GRIK2: variants seen among roughly 807,000 people sequenced by gnomAD.
GRIK2 encodes the protein glutamate ionotropic receptor kainate type subunit 2.
In GRIK2, 32 loss-of-function variants were observed where a neutral mutation model predicts 100.3. The ratio of observed to expected loss-of-function variants is 0.32; its 90% CI spans 0.24 to 0.43. The LOEUF (loss-of-function observed/expected upper bound fraction) is 0.43. GRIK2 is among the 20% of genes least tolerant of loss of function. The pLI, the probability that GRIK2 is intolerant of heterozygous loss-of-function variation, is 1.00. For synonymous variants in GRIK2, 417 were observed against 389.4 expected, an observed-to-expected ratio of 1.07 and a Z score of -0.83; for missense variants, 843 against 1,114.9, an observed-to-expected ratio of 0.76 and a Z score of 3.47.
intron 7 of GRIK2, among the ~76,000 whole-genome samples, chr6:101,786,596 T>C (rs1235066482): frequency 6.6e-6 from 1 of 152,148 alleles, no homozygotes; most frequent in Admixed American, 6.5e-5. Context: ...TTACATTTAT[T>C]GTTTTATGCA....
chr6:102,040,746 T>TAAGTA (rs1293835623), intron 15 of GRIK2, among the ~76,000 whole-genome samples: 1 of 151,590 alleles, frequency 6.6e-6, no homozygotes, highest in African/African-American at 2.4e-5. Flanking sequence ...TATGATATAA[T>TAAGTA]AAGTACTGAA....
At chr6:101,978,681 GA>G (rs1260603358) in intron 14 of GRIK2, among the ~76,000 whole-genome samples, 1 of 151,864 alleles carries the variant, frequency 6.6e-6, no homozygotes, top group Non-Finnish European at 1.5e-5. Flanking sequence ...GAAATATTAT[GA>G]AAAAGTAGTT....
At chr6:101,417,206 G>T (rs374551147) in intron 2 of GRIK2, among the ~76,000 whole-genome samples, 89 of 152,240 alleles carry the variant, frequency 5.8e-4, no homozygotes, top group African/African-American at 2.1e-3. Flanking sequence ...CATGAGAATT[G>T]CATGGGAAAA....
chr6:101,781,134 T>A (rs1021232155), intron 7 of GRIK2, among the ~76,000 whole-genome samples: 4 of 152,228 alleles, frequency 2.6e-5, no homozygotes, highest in Non-Finnish European at 5.9e-5. Flanking sequence ...CAGTTATCTT[T>A]TTCTAGGCAT....
chr6:101,821,750 G>A (rs1162661723), intron 10 of GRIK2, among the ~76,000 whole-genome samples: 1 of 152,010 alleles, frequency 6.6e-6, no homozygotes. Context: ...ATTTATGTAA[G>A]CTTATTTTTG....
intron 7 of GRIK2, among the ~76,000 whole-genome samples, chr6:101,700,653 G>C (rs1772827784): frequency 6.6e-6 from 1 of 152,096 alleles, no homozygotes; most frequent in South Asian, 2.1e-4. Context: ...TTAGCATGTT[G>C]CTCAAGGACA....
At chr6:101,722,008 T>A (rs1774519279) in intron 7 of GRIK2, among the ~76,000 whole-genome samples, 1 of 152,030 alleles carries the variant, frequency 6.6e-6, no homozygotes, top group African/African-American at 2.4e-5. Flanking sequence ...TTAATCCATT[T>A]GTGCTTTAAT....
In GRIK2 at chr6:101,676,731, A is replaced by G; in HGVS notation, c.650A>G (p.Glu217Gly). 1 of 1,609,672 alleles carries G rather than the reference A, an allele frequency of 6.2e-7. No individual in the cohort carries two copies. Among genetic ancestry groups the G allele is most frequent in the African/African-American group, 1.3e-5 (1 of 74,886 alleles). ...AAGGATGCAAAACCCTTACTAAAAG[A>G]AATGAAAAGAGGCAAGGAGTTTCAT... ...DTKDAKPLLK[E>G]MKRGKEFHVI... The change falls in exon 5 of 17, where the codon GAA becomes GGA. Residue 217 changes from glutamate (E) to glycine (G), a missense_variant. Transcript: ENST00000369134.
At chr6:101,708,732 C>A (rs1056605893) in intron 7 of GRIK2, among the ~76,000 whole-genome samples, 1 of 151,688 alleles carries the variant, frequency 6.6e-6, no homozygotes, top group Non-Finnish European at 1.5e-5. Context: ...ATCAAAATTT[C>A]TACATATTTT....
At chr6:101,953,104 AT>A (rs939677353) in intron 14 of GRIK2, among the ~76,000 whole-genome samples, 25 of 152,156 alleles carry the variant, frequency 1.6e-4, no homozygotes, top group African/African-American at 6.0e-4. Flanking sequence ...TCAAAATTTT[AT>A]TCTTCTTTTT....
At chr6:101,843,612 G>A (rs575133234) in intron 10 of GRIK2, among the ~76,000 whole-genome samples, 2 of 152,070 alleles carry the variant, frequency 1.3e-5, no homozygotes, top group South Asian at 4.1e-4. Context: ...CCTTTGAAAC[G>A]TTGGGCCCTG....
chr6:101,756,109 A>G (rs757253384), intron 7 of GRIK2, among the ~76,000 whole-genome samples: 14 of 152,168 alleles, frequency 9.2e-5, no homozygotes, highest in Non-Finnish European at 1.8e-4. Flanking sequence ...ACATGATGCC[A>G]TTCCTTGTTA....
chr6:101,980,084 G>A (rs1793624639), intron 14 of GRIK2, among the ~76,000 whole-genome samples: 1 of 151,928 alleles, frequency 6.6e-6, no homozygotes, highest in Non-Finnish European at 1.5e-5. Context: ...GTGAGCGGGT[G>A]AGGAAACATG....
At chr6:101,611,811 G>A (rs143306258) in intron 2 of GRIK2, among the ~76,000 whole-genome samples, 293 of 151,820 alleles carry the variant, frequency 1.9e-3, no homozygotes, top group Middle Eastern at 6.8e-3. Context: ...TTTTTCCATG[G>A]TGTGTCCACG....
At chr6:101,958,129 T>C (rs1386691938) in intron 14 of GRIK2, among the ~76,000 whole-genome samples, 1 of 152,140 alleles carries the variant, frequency 6.6e-6, no homozygotes, top group East Asian at 1.9e-4. Context: ...ATATTGACTC[T>C]TCCAAACTAT....
intron 2 of GRIK2, among the ~76,000 whole-genome samples, chr6:101,540,100 A>G (rs981551429): frequency 4.0e-5 from 6 of 151,568 alleles, no homozygotes; most frequent in Admixed American, 4.0e-4. Context: ...TTAGATATTC[A>G]TTCAGAAATA....
intron 14 of GRIK2, among the ~76,000 whole-genome samples, chr6:101,987,995 C>T (rs1277537486): frequency 6.6e-6 from 1 of 151,394 alleles, no homozygotes; most frequent in Admixed American, 6.6e-5. Context: ...TTGTTTTTAT[C>T]GGATCATAAA....
At chr6:101,573,482 C>A (rs1281558447) in intron 2 of GRIK2, among the ~76,000 whole-genome samples, 1 of 152,180 alleles carries the variant, frequency 6.6e-6, no homozygotes, top group Non-Finnish European at 1.5e-5. Context: ...TGCAGAGAAT[C>A]AGCTCTAATA....
intron 7 of GRIK2, among the ~76,000 whole-genome samples, chr6:101,782,204 A>G (rs1463473128): frequency 2.0e-5 from 3 of 152,200 alleles, no homozygotes; most frequent in Non-Finnish European, 4.4e-5. Flanking sequence ...TGATGGAAAC[A>G]TTGCAATCCT....
Sources: gnomAD v4.1 joint callset for allele counts (sites outside exome capture counted in the v4.1 genomes callset) on GRCh38, gnomAD v4.1.1 for gene constraint, MANE v1.5 for transcripts, NCBI Gene and HGNC (gene_info 2026-07-23, HGNC 2026-07-21) for gene names.